Variants in DTD1 observed in about 807,000 individuals in gnomAD.
DTD1 encodes the protein D-aminoacyl-tRNA deacylase 1, also known as D-tyrosyl-tRNA deacylase 1 homolog.
DTD1 carries 13 observed loss-of-function variants against 25.6 expected under a neutral mutation model. The observed-to-expected ratio is 0.51, with a 90% CI of 0.33 to 0.81. The LOEUF (loss-of-function observed/expected upper bound fraction) is 0.81. Among genes scored for constraint, DTD1 ranks in the 30% least tolerant of loss-of-function variants. The pLI, the probability that DTD1 is intolerant of heterozygous loss-of-function variation, is 0.02. For missense variants in DTD1, 193 were observed against 266.4 expected (o/e 0.72, Z 1.92); for synonymous variants, 110 against 103.6 (o/e 1.06, Z -0.37).
intron 4 of DTD1, among the ~76,000 whole-genome samples, chr20:18,715,506 G>A (rs1375924063): frequency 6.6e-6 from 1 of 152,182 alleles, no homozygotes; most frequent in South Asian, 2.1e-4. Flanking sequence ...AGACGAGACC[G>A]GGTGCATTTG....
chr20:18,719,183 A>C (rs1212313557), intron 4 of DTD1, among the ~76,000 whole-genome samples: 1 of 152,018 alleles, frequency 6.6e-6, no homozygotes, highest in African/African-American at 2.4e-5. Context: ...AAGTTGAATA[A>C]TCTTGTAAGT....
chr20:18,738,469 A>T (rs1015165955), intron 4 of DTD1, among the ~76,000 whole-genome samples: 13 of 152,050 alleles, frequency 8.5e-5, no homozygotes, highest in African/African-American at 3.1e-4. Flanking sequence ...AGCTGGCTCA[A>T]CTCTGCCGGG....
intron 4 of DTD1, among the ~76,000 whole-genome samples, chr20:18,697,807 C>T (rs1297868662): frequency 1.3e-5 from 2 of 152,228 alleles, no homozygotes; most frequent in Non-Finnish European, 2.9e-5. Flanking sequence ...GCCTCAGCCT[C>T]TCGAGTAGCT....
At chr20:18,617,890 T>C (rs1396180976) in intron 3 of DTD1, among the ~76,000 whole-genome samples, 1 of 152,192 alleles carries the variant, frequency 6.6e-6, no homozygotes, top group Non-Finnish European at 1.5e-5. Flanking sequence ...TTTTTTTTTC[T>C]CTTCTATTCT....
At chr20:18,622,979 C>T (rs1023872841) in intron 3 of DTD1, among the ~76,000 whole-genome samples, 16 of 130,744 alleles carry the variant, frequency 1.2e-4, no homozygotes, top group South Asian at 9.6e-4. Context: ...CTTGCTCTGT[C>T]GCCAGGCTGG....
At chr20:18,716,331 G>A (rs1169015665) in intron 4 of DTD1, among the ~76,000 whole-genome samples, 1 of 152,234 alleles carries the variant, frequency 6.6e-6, no homozygotes, top group African/African-American at 2.4e-5. Flanking sequence ...GCTCCACAGT[G>A]TGTCTGGATT....
intron 3 of DTD1, among the ~76,000 whole-genome samples, chr20:18,622,942 A>G (rs1293106846): frequency 2.3e-5 from 3 of 129,756 alleles, no homozygotes; most frequent in Admixed American, 8.3e-5. Flanking sequence ...ATTTTATAGA[A>G]TTTTTTTTTT....
intron 3 of DTD1, among the ~76,000 whole-genome samples, chr20:18,609,172 ACT>A (rs2060676140): frequency 1.3e-5 from 2 of 150,560 alleles, no homozygotes; most frequent in East Asian, 3.9e-4. Context: ...ACAGGGTCTC[ACT>A]CTGTCACCCA....
intron 3 of DTD1, among the ~76,000 whole-genome samples, chr20:18,607,367 G>A (rs139062990): frequency 3.3e-5 from 5 of 152,104 alleles, no homozygotes; most frequent in African/African-American, 1.2e-4. Flanking sequence ...CACCATGTTC[G>A]CCAGGCTGGT....
intron 4 of DTD1, among the ~76,000 whole-genome samples, chr20:18,699,631 A>G (rs1386767056): frequency 6.6e-6 from 1 of 152,128 alleles, no homozygotes; most frequent in Non-Finnish European, 1.5e-5. Context: ...GAAGTACCTC[A>G]GTTTGGAAGC....
intron 4 of DTD1, among the ~76,000 whole-genome samples, chr20:18,719,839 A>T (rs2122490701): frequency 6.6e-6 from 1 of 152,292 alleles, no homozygotes; most frequent in Middle Eastern, 3.4e-3. Context: ...ATTTTGTCAG[A>T]GTTGGGGCAT....
chr20:18,658,828 G>A (rs538941347), intron 4 of DTD1, among the ~76,000 whole-genome samples: 1 of 152,312 alleles, frequency 6.6e-6, no homozygotes, highest in South Asian at 2.1e-4. Context: ...TTATGTAGGG[G>A]TGGGACACTG....
At chr20:18,640,092 C>G (rs1245329210) in intron 4 of DTD1, among the ~76,000 whole-genome samples, 1 of 150,618 alleles carries the variant, frequency 6.6e-6, no homozygotes, top group East Asian at 1.9e-4. Flanking sequence ...CCTTTGCCCC[C>G]CTTCATTTTC....
At chr20:18,677,632 G>A (rs2060981490) in intron 4 of DTD1, among the ~76,000 whole-genome samples, 1 of 152,172 alleles carries the variant, frequency 6.6e-6, no homozygotes, top group Non-Finnish European at 1.5e-5. Context: ...TTACTTTCCA[G>A]AGTGTCTAGA....
chr20:18,624,143 C>G (rs2122303218), intron 3 of DTD1, among the ~76,000 whole-genome samples: 1 of 152,208 alleles, frequency 6.6e-6, no homozygotes, highest in South Asian at 2.1e-4. Flanking sequence ...GGTCAGAACC[C>G]TGCCATGAAG....
At position 18,764,340 on chromosome 20, in the gene DTD1, A is replaced by G. The variant is rs917836475; in HGVS notation, c.*1000A>G. Reference sequence around the variant, plus strand: ...TGGGAAGAAAGAATCACATTCTGCCAAAGTAATTTCTCAGTTAAATTTCAG... The same window carrying G: ...TGGGAAGAAAGAATCACATTCTGCCGAAGTAATTTCTCAGTTAAATTTCAG... On this transcript the variant is annotated 3_prime_UTR_variant, in exon 6 of 6. Coordinates refer to ENST00000377452, the MANE Select transcript of DTD1 (RefSeq NM_080820.6). The G allele has an allele frequency of 1.3e-5, 2 of 152,238 alleles. No homozygotes were observed. Among genetic ancestry groups the G allele is most frequent in the Non-Finnish European group, 2.9e-5 (2 of 68,046 alleles). The allele number at this position is 152,238 out of a possible 1,614,324, so 9.4% of individuals were successfully genotyped here.
At chr20:18,683,949 G>A (rs1568668059) in intron 4 of DTD1, among the ~76,000 whole-genome samples, 2 of 152,270 alleles carry the variant, frequency 1.3e-5, no homozygotes, top group South Asian at 2.1e-4. Context: ...ACTTAGATAG[G>A]TATCCTGGAG....
Position 18,730,919 on chromosome 20 carries a change from T to G in DTD1, c.478-13181T>G, listed in dbSNP as rs1288134438. Among the ~76,000 whole-genome samples the G allele has an allele frequency of 4.6e-5, 7 of 152,242 alleles. No homozygotes were observed. In the East Asian group the frequency reaches 1.3e-3, roughly 29 times the overall value. On this transcript the variant is annotated intron_variant, in intron 4 of 5. Coordinates refer to ENST00000377452, the MANE Select transcript of DTD1 (RefSeq NM_080820.6). Reference sequence around the variant, plus strand: ...CTCTCAGACTCTGTGGACATTGTCCTGTCCTAGTGTTTGGTTGACTGAGTT... The same window carrying G: ...CTCTCAGACTCTGTGGACATTGTCCGGTCCTAGTGTTTGGTTGACTGAGTT...
intron 4 of DTD1, chr20:18,631,027 C>T (rs1302705208): frequency 2.0e-6 from 2 of 981,724 alleles, no homozygotes; most frequent in African/African-American, 3.5e-5. Flanking sequence ...CAGATACCTC[C>T]ATGTTAGATG....
Sources: allele counts gnomAD v4.1 joint callset (sites outside exome capture counted in the v4.1 genomes callset), GRCh38; gene constraint gnomAD v4.1.1; transcripts MANE v1.5; gene names NCBI Gene and HGNC (gene_info 2026-07-23, HGNC 2026-07-21).